LINGO2: variants seen among roughly 807,000 people sequenced by gnomAD.
The protein encoded by LINGO2 is leucine rich repeat and Ig domain containing 2.
A neutral mutation model predicts 30.6 loss-of-function variants in LINGO2; 14 were observed. That is an observed-to-expected ratio of 0.46 (90% CI 0.30 to 0.72). The LOEUF is 0.72. LINGO2 is among the 30% of genes least tolerant of loss of function. The probability of loss-of-function intolerance (pLI) is 0.07; values close to 1 mark genes in which losing one functional copy is unlikely to be tolerated. For missense variants in LINGO2, 729 were observed against 751.7 expected, an observed-to-expected ratio of 0.97 and a Z score of 0.35; for synonymous variants, 317 against 288.5, an observed-to-expected ratio of 1.10 and a Z score of -1.00.
At chr9:28,996,791 A>G in the LINGO2 span, among the ~76,000 whole-genome samples, 1 of 152,162 alleles carries the variant, frequency 6.6e-6, no homozygotes, top group East Asian at 1.9e-4. Context: ...TATATTTTAG[A>G]TTAAAATGTG....
chr9:28,383,613 G>A (rs975420175), intron 2 of LINGO2, among the ~76,000 whole-genome samples: 15 of 151,992 alleles, frequency 9.9e-5, no homozygotes, highest in African/African-American at 3.6e-4. Context: ...GGAGGTGAGT[G>A]AAATCCAGAG....
intron 1 of LINGO2, among the ~76,000 whole-genome samples, chr9:28,614,093 C>T (rs1378339611): frequency 6.6e-6 from 1 of 152,032 alleles, no homozygotes; most frequent in Non-Finnish European, 1.5e-5. Flanking sequence ...ATGAAAATGC[C>T]TCTCTTGATC....
intron 2 of LINGO2, among the ~76,000 whole-genome samples, chr9:28,463,269 A>T (rs1216418694): frequency 1.3e-5 from 2 of 152,112 alleles, no homozygotes; most frequent in Admixed American, 6.5e-5. Flanking sequence ...CTTTCAATTT[A>T]GTGTGAAGAA....
chr9:28,007,623 A>T (rs1477716040), intron 5 of LINGO2, among the ~76,000 whole-genome samples: 2 of 152,218 alleles, frequency 1.3e-5, no homozygotes, highest in African/African-American at 4.8e-5. Flanking sequence ...AAAACAAAAC[A>T]TTGGAGAAAA....
chr9:28,300,906 G>T (rs73645638), intron 3 of LINGO2, among the ~76,000 whole-genome samples: 1,865 of 150,902 alleles, frequency 0.012, 52 homozygotes, highest in African/African-American at 0.044. Flanking sequence ...GCTTTGAGTA[G>T]AAAATAATTC....
At chr9:29,023,146 A>T in the LINGO2 span, among the ~76,000 whole-genome samples, 61,485 of 151,614 alleles carry the variant, frequency 0.41, 12,574 homozygotes, top group East Asian at 0.54. Context: ...CCTGGACACA[A>T]CCGCATGGCC....
intron 2 of LINGO2, among the ~76,000 whole-genome samples, chr9:28,406,352 G>A (rs10968567): frequency 6.6e-6 from 1 of 151,822 alleles, no homozygotes; most frequent in African/African-American, 2.4e-5. Flanking sequence ...AGAATTGCTT[G>A]AATTCAGGGG....
At chr9:29,212,838 T>C in the LINGO2 span, among the ~76,000 whole-genome samples, 1 of 152,188 alleles carries the variant, frequency 6.6e-6, no homozygotes, top group African/African-American at 2.4e-5. Context: ...TCCTCCTAAC[T>C]TGACTTAACC....
chr9:28,273,193 A>G (rs1823002740), intron 4 of LINGO2, among the ~76,000 whole-genome samples: 1 of 152,152 alleles, frequency 6.6e-6, no homozygotes, highest in Non-Finnish European at 1.5e-5. Context: ...AGCTGACCAC[A>G]CGGCCCCTTG....
At chr9:28,451,335 G>T (rs1824639065) in intron 2 of LINGO2, among the ~76,000 whole-genome samples, 1 of 151,798 alleles carries the variant, frequency 6.6e-6, no homozygotes, top group Non-Finnish European at 1.5e-5. Context: ...GCAGTAGAAT[G>T]CTTATCTCAC....
chr9:28,820,818 C>T, the LINGO2 span, among the ~76,000 whole-genome samples: 27 of 152,238 alleles, frequency 1.8e-4, no homozygotes, highest in African/African-American at 6.3e-4. Flanking sequence ...CAGTGAAGGC[C>T]AATAATCAAT....
intron 1 of LINGO2, among the ~76,000 whole-genome samples, chr9:28,546,457 G>T (rs926100259): frequency 6.6e-6 from 1 of 152,044 alleles, no homozygotes; most frequent in African/African-American, 2.4e-5. Context: ...ACTCAGCAAG[G>T]CTTGTTTGTT....
At chr9:28,651,038 A>C (rs2135971876) in intron 1 of LINGO2, among the ~76,000 whole-genome samples, 1 of 152,108 alleles carries the variant, frequency 6.6e-6, no homozygotes, top group African/African-American at 2.4e-5. Context: ...AAAATACAAA[A>C]AAATTAGCCG....
intron 4 of LINGO2, among the ~76,000 whole-genome samples, chr9:28,026,679 CTTA>C (rs1354755220): frequency 6.6e-6 from 1 of 152,136 alleles, no homozygotes; most frequent in Non-Finnish European, 1.5e-5. Flanking sequence ...CTTACTGTTT[CTTA>C]TTTTTTTGAG....
intron 3 of LINGO2, 73 bp from the exon 6 acceptor site, chr9:28,295,439 C>T (rs1178060926): frequency 6.6e-6 from 1 of 152,558 alleles, no homozygotes; most frequent in African/African-American, 2.4e-5. Context: ...GGAGGCATCA[C>T]AACTTAATCA....
rs1825819207 is a variant in LINGO2, at chr9:28,083,152, C to T, written c.-86-70747G>A. On this transcript the variant is annotated intron_variant, in intron 4 of 5. Coordinates refer to ENST00000379992, the Ensembl canonical transcript of LINGO2. ...CACATGCATTGCTAAACATTACCTC[C>T]CAAAACAAGATTCCCAGATAGGACC... is the stretch of plus-strand genomic sequence containing the variant. 2.0e-5 allele frequency among the ~76,000 whole-genome samples: 3 copies of T among 152,140 alleles called. No homozygotes were observed. In the South Asian group the frequency reaches 6.2e-4, roughly 31 times the overall value.
the LINGO2 span, among the ~76,000 whole-genome samples, chr9:29,089,483 C>T: frequency 5.9e-5 from 9 of 151,940 alleles, no homozygotes; most frequent in Admixed American, 1.3e-4. Flanking sequence ...AACAAGGAAA[C>T]GATGCACACA....
chr9:28,675,571 A>G, the LINGO2 span, among the ~76,000 whole-genome samples: 2 of 152,010 alleles, frequency 1.3e-5, no homozygotes, highest in Admixed American at 6.6e-5. Flanking sequence ...TTAAATATAC[A>G]AAAGTTTATA....
chr9:28,737,455 G>A, the LINGO2 span, among the ~76,000 whole-genome samples: 1 of 152,192 alleles, frequency 6.6e-6, no homozygotes, highest in Admixed American at 6.5e-5. Flanking sequence ...CATGATATTA[G>A]TAAAGTGGCA....
Sources: gnomAD v4.1 joint callset for allele counts (sites outside exome capture counted in the v4.1 genomes callset) on GRCh38, gnomAD v4.1.1 for gene constraint, MANE v1.5 for transcripts, NCBI Gene and HGNC (gene_info 2026-07-23, HGNC 2026-07-21) for gene names.